The following TUBGCP5 variants were observed in gnomAD, a reference collection of about 807,000 sequenced individuals.
TUBGCP5 encodes tubulin gamma complex component 5.
A neutral mutation model predicts 134.7 loss-of-function variants in TUBGCP5; 98 were observed. The observed-to-expected ratio is 0.73, with a 90% CI of 0.62 to 0.86. TUBGCP5 has a LOEUF of 0.86. Ranked by LOEUF, TUBGCP5 falls within the 40% of genes least tolerant of loss-of-function variation. The pLI is 0.00. For missense variants in TUBGCP5, 1,150 were observed against 1,244.8 expected, an observed-to-expected ratio of 0.92 and a Z score of 1.15; for synonymous variants, 456 against 431.4, an observed-to-expected ratio of 1.06 and a Z score of -0.71.
At position 23,011,216 on chromosome 15, in the gene TUBGCP5, G is replaced by A; in HGVS notation, c.1872C>T (p.Asn624=). ...CAGCAATGGACTGCATCTTCATCAG[G>A]TTCTCCTTGGTTGCCTGTTGCTCAG... ...VLTEQQATKE[N]LMKMQSIAES... The change falls in exon 14 of 23, where the codon AAC becomes AAT. Residue 624 remains asparagine (N), a synonymous_variant. Transcript: ENST00000615383. The A allele has an allele frequency of 6.2e-7, 1 of 1,613,896 alleles. No individual in the cohort carries two copies. Among genetic ancestry groups the A allele is most frequent in the Non-Finnish European group, 8.5e-7 (1 of 1,179,978 alleles).
At chr15:22,995,489 C>T (rs1209711422), downstream of TUBGCP5, among the ~76,000 whole-genome samples, 1 of 150,250 alleles carries the variant, frequency 6.7e-6, no homozygotes, top group Non-Finnish European at 1.5e-5. Context: ...CTGGGATGTG[C>T]TGCTAGGAAA....
At chr15:23,004,298 T>A in intron 19 of TUBGCP5, 71 bp from the exon 20 acceptor site, 2 of 1,553,208 alleles carry the variant, frequency 1.3e-6, no homozygotes, top group Non-Finnish European at 8.7e-7. Context: ...CACAAATCTT[T>A]TTTACTAAGC....
In TUBGCP5 at chr15:22,987,764, C is replaced by T. The variant is rs370327677; in HGVS notation, c.*62-4153G>A. 5.3e-5 allele frequency among the ~76,000 whole-genome samples: 8 copies of T among 151,386 alleles called. No homozygotes were observed. In the East Asian group the frequency reaches 5.9e-4, roughly 11 times the overall value. ...ACAAAAAATTAGCCGGGCGTGGTGG[C>T]GGGTGCCTGTAGTCCCAGCTACTCG... is the stretch of plus-strand genomic sequence containing the variant. On this transcript the variant is annotated intron_variant and NMD_transcript_variant, in intron 23 of 23. Coordinates refer to the TUBGCP5 transcript ENST00000614508.
At chr15:22,989,043 C>G (rs976425960) in intron 23 of TUBGCP5, among the ~76,000 whole-genome samples, 1 of 152,094 alleles carries the variant, frequency 6.6e-6, no homozygotes, top group Non-Finnish European at 1.5e-5. Flanking sequence ...GGCCTCACAC[C>G]TTTCTCTGAC....
intron 23 of TUBGCP5, among the ~76,000 whole-genome samples, chr15:22,986,953 TAGG>T (rs1344157702): frequency 6.6e-6 from 1 of 152,074 alleles, no homozygotes; most frequent in Non-Finnish European, 1.5e-5. Flanking sequence ...AGATACATAT[TAGG>T]AGATTTACTG....
Position 23,008,236 on chromosome 15 carries a change from G to A in TUBGCP5, c.2327+463C>T, listed in dbSNP as rs555972186. On this transcript the variant is annotated intron_variant, in intron 16 of 22. Coordinates refer to ENST00000615383, the MANE Select transcript of TUBGCP5 (RefSeq NM_052903.6). Reference sequence around the variant, plus strand: ...GCATCTCAACGTCTTTTGTTGTTTAGCAGGAGAGTCACATAGCTAGCCTCT... The same window carrying A: ...GCATCTCAACGTCTTTTGTTGTTTAACAGGAGAGTCACATAGCTAGCCTCT... Among the ~76,000 whole-genome samples the A allele has an allele frequency of 1.2e-4, 19 of 152,058 alleles. No individual in the cohort carries two copies. The South Asian group carries it at 4.0e-3, about 32-fold the overall frequency.
chr15:23,039,227 A>G (rs571157350), intron 1 of TUBGCP5, among the ~76,000 whole-genome samples, 171 bp downstream of exon 1: 1 of 151,862 alleles, frequency 6.6e-6, no homozygotes, highest in Non-Finnish European at 1.5e-5. Context: ...CCGCGCCGAG[A>G]GCGCTGGCCG....
Position 23,017,798 on chromosome 15 carries a change from G to A in TUBGCP5, c.1731C>T (p.Ser577=), listed in dbSNP as rs747639242. ...QLLKNLQCAE[S]TTCQAGARDA... ...CTCTGGCTCCTGCCTGGCAGGTGGTGCTCTCCGCACACTGCAGGTTCTTCA... is the reference window on the plus strand; with the variant it reads ...CTCTGGCTCCTGCCTGGCAGGTGGTACTCTCCGCACACTGCAGGTTCTTCA... Residue 577 remains serine (S), a synonymous_variant, in exon 13 of 23, where the codon AGC becomes AGT. Transcript: ENST00000615383. The A allele has an allele frequency of 1.7e-5, 28 of 1,613,626 alleles. No homozygotes were observed. In the Admixed American group the frequency reaches 4.7e-4, roughly 27 times the overall value.
Position 23,011,260 on chromosome 15 carries a change from A to G in TUBGCP5, c.1828T>C (p.Ser610Pro). ...VQSRLRHGED[S>P]TPQVLTEQQA... ...TGCTCAGTAAGAACCTGTGGAGTGG[A>G]ATCTTCTCCATGTCGAAGACGGGAC... Residue 610 changes from serine (S) to proline (P), a missense_variant, in exon 14 of 23, where the codon TCC becomes CCC. Around this residue, in one of 2 missense-constraint regions of TUBGCP5, gnomAD observed 697 missense variants for 850.1 expected, o/e 0.82. Coordinates refer to ENST00000615383, the MANE Select transcript of TUBGCP5 (RefSeq NM_052903.6). 6.2e-7 allele frequency: 1 copy of G among 1,613,946 alleles called. No individual in the cohort carries two copies. Among genetic ancestry groups the G allele is most frequent in the Non-Finnish European group, 8.5e-7 (1 of 1,179,972 alleles).
intron 7 of TUBGCP5, among the ~76,000 whole-genome samples, chr15:23,026,810 A>G (rs1031953095): frequency 2.6e-5 from 4 of 151,974 alleles, no homozygotes; most frequent in Non-Finnish European, 5.9e-5. Flanking sequence ...GCATGCACCT[A>G]TAATCTCAGC....
intron 20 of TUBGCP5, among the ~76,000 whole-genome samples, chr15:23,003,627 CTTCTGTTTT>C (rs1210116490): frequency 7.2e-6 from 1 of 138,878 alleles, no homozygotes; most frequent in Non-Finnish European, 1.5e-5. Context: ...GGCACTCCTC[CTTCTGTTTT>C]TTTTTTTTTT....
At chr15:22,994,880 C>T (rs968565850), downstream of TUBGCP5, among the ~76,000 whole-genome samples, 1 of 152,094 alleles carries the variant, frequency 6.6e-6, no homozygotes, top group Admixed American at 6.6e-5. Flanking sequence ...TTTGGGAGGC[C>T]AGTGCAGGAT....
chr15:23,038,016 G>A (rs1305384747), intron 1 of TUBGCP5, among the ~76,000 whole-genome samples: 3 of 152,048 alleles, frequency 2.0e-5, no homozygotes, highest in African/African-American at 7.3e-5. Flanking sequence ...CACCCACCTC[G>A]GCCTCCTAAA....
intron 23 of TUBGCP5, among the ~76,000 whole-genome samples, chr15:22,984,432 C>T (rs2063621145): frequency 6.6e-6 from 1 of 152,066 alleles, no homozygotes; most frequent in Non-Finnish European, 1.5e-5. Flanking sequence ...CCAGCCTGGC[C>T]AACGTGGCGA....
In TUBGCP5 at chr15:23,006,064, A is replaced by C; in HGVS notation, c.2521T>G (p.Leu841Val). ...AAACAAATCTTACCACCAAAAAGTA[A>C]AACATCCAGACTATATTTTGCCCAC... is the stretch of plus-strand genomic sequence containing the variant. ...IKWAKYSLDV[L>V]LFGELVSTAE... Residue 841 changes from leucine (L) to valine (V), a missense_variant, in exon 18 of 23, where the codon TTA becomes GTA. Leu to Val is a conservative substitution (Grantham distance 32). Coordinates refer to ENST00000615383, the MANE Select transcript of TUBGCP5 (RefSeq NM_052903.6). The C allele has an allele frequency of 6.3e-7, 1 of 1,593,422 alleles. No individual in the cohort carries two copies. The highest frequency in any genetic ancestry group is 8.5e-7 in the Non-Finnish European group (1 of 1,175,342).
At chr15:22,998,507 G>C (rs57620401), downstream of TUBGCP5, among the ~76,000 whole-genome samples, 13,497 of 152,100 alleles carry the variant, frequency 0.089, 1,064 homozygotes, top group East Asian at 0.46. Flanking sequence ...TGTCCAGGCT[G>C]GAGTGCAGTG....
chr15:22,995,185 G>C (rs1248209922), downstream of TUBGCP5, among the ~76,000 whole-genome samples: 1 of 151,908 alleles, frequency 6.6e-6, no homozygotes, highest in Non-Finnish European at 1.5e-5. Context: ...CAGAGGTTGA[G>C]GTGAGCTGAG....
Position 23,004,088 on chromosome 15 carries a change from G to C in TUBGCP5, c.2838+14C>G. 1 of 1,601,488 alleles carries C rather than the reference G, an allele frequency of 6.2e-7. No individual in the cohort carries two copies. The highest frequency in any genetic ancestry group is 1.1e-5 in the South Asian group (1 of 88,090). ...CCCAGCAGTGGCCACATCTGCAGGA[G>C]ACATCTCATGTACCTTTTCTCTCAG... On this transcript the variant is annotated intron_variant, in intron 20 of 22. Coordinates refer to ENST00000615383, the MANE Select transcript of TUBGCP5 (RefSeq NM_052903.6).
At chr15:23,029,659 G>A (rs1353808614) in intron 6 of TUBGCP5, among the ~76,000 whole-genome samples, 1 of 152,020 alleles carries the variant, frequency 6.6e-6, no homozygotes, top group Non-Finnish European at 1.5e-5. Flanking sequence ...AGAGGCAGGT[G>A]GACGAGTTGA....
Sources: gnomAD v4.1 joint callset for allele counts (sites outside exome capture counted in the v4.1 genomes callset) on GRCh38, gnomAD v4.1.1 for gene constraint, gnomAD v4.1.1 regional missense constraint, MANE v1.5 for transcripts, NCBI Gene and HGNC (gene_info 2026-07-23, HGNC 2026-07-21) for gene names.